The following NRG3 variants were observed in gnomAD, a reference collection of about 807,000 sequenced individuals.
NRG3 encodes the protein pro-neuregulin-3, membrane-bound isoform.
Under a neutral mutation model 66.9 loss-of-function variants are expected in NRG3, and 31 were observed. The ratio of observed to expected loss-of-function variants is 0.46; its 90% CI spans 0.35 to 0.63. The LOEUF (loss-of-function observed/expected upper bound fraction) is 0.63. Ranked by LOEUF, NRG3 falls within the 20% of genes least tolerant of loss-of-function variation. NRG3 has a pLI of 0.00. For synonymous variants in NRG3, 393 were observed against 359.4 expected (o/e 1.09, Z -1.06); for missense variants, 910 against 878.9 (o/e 1.04, Z -0.45).
At chr10:82,854,601 G>A (rs1476457461) in intron 3 of NRG3, among the ~76,000 whole-genome samples, 11 of 152,118 alleles carry the variant, frequency 7.2e-5, no homozygotes, top group Non-Finnish European at 5.9e-5. Context: ...AGCCAACCAG[G>A]CTTTAACGAT....
intron 6 of NRG3, among the ~76,000 whole-genome samples, 195 bp downstream of exon 6, chr10:82,959,270 A>G (rs1209645176): frequency 6.6e-6 from 1 of 152,200 alleles, no homozygotes; most frequent in Non-Finnish European, 1.5e-5. Context: ...AGGCAAGTTA[A>G]ATTTCAGCTC....
Position 82,281,552 on chromosome 10 carries a change from G to C in NRG3, c.824-77187G>C, listed in dbSNP as rs1243824241. ...GGGGATGGGGTGGAACTGACTCCAG[G>C]GACTCTTTTAATAAGACTCAACGTA... On this transcript the variant is annotated intron_variant, in intron 1 of 8. Transcript: ENST00000372141. Among the ~76,000 whole-genome samples, 4 of 152,042 alleles carry C rather than the reference G, an allele frequency of 2.6e-5. No individual in the cohort carries two copies. The East Asian group carries it at 7.7e-4, about 29-fold the overall frequency.
chr10:82,435,309 AT>A (rs1176707039), intron 2 of NRG3, among the ~76,000 whole-genome samples: 2 of 151,688 alleles, frequency 1.3e-5, no homozygotes, highest in Admixed American at 6.6e-5. Context: ...ATCATTTTTT[AT>A]TGTGTCTGTC....
chr10:82,093,112 C>A (rs1388226595), intron 1 of NRG3, among the ~76,000 whole-genome samples: 1 of 152,140 alleles, frequency 6.6e-6, no homozygotes, highest in African/African-American at 2.4e-5. Flanking sequence ...GCACACCAGG[C>A]AGCATGCTTT....
chr10:82,704,906 C>G (rs1380564032), intron 2 of NRG3, among the ~76,000 whole-genome samples: 1 of 152,144 alleles, frequency 6.6e-6, no homozygotes, highest in African/African-American at 2.4e-5. Context: ...AGAATATGCT[C>G]AGAATATTAC....
chr10:82,772,791 G>A (rs896720679), intron 3 of NRG3, among the ~76,000 whole-genome samples: 1 of 140,918 alleles, frequency 7.1e-6, no homozygotes. Context: ...TTGCAGCCTC[G>A]ACCTCCTGGG....
intron 2 of NRG3, among the ~76,000 whole-genome samples, chr10:82,732,017 A>T (rs1184934305): frequency 1.3e-5 from 2 of 152,200 alleles, no homozygotes; most frequent in Non-Finnish European, 2.9e-5. Flanking sequence ...ACCACAAATA[A>T]CATAAGGTAC....
In NRG3 at chr10:82,571,824, T is replaced by A. The variant is rs2045754437; in HGVS notation, c.954-166753T>A. Among the ~76,000 whole-genome samples, 6 of 151,778 alleles carry A rather than the reference T, an allele frequency of 4.0e-5. No homozygotes were observed. In the South Asian group the frequency reaches 1.2e-3, roughly 31 times the overall value. On this transcript the variant is annotated intron_variant, in intron 2 of 8. Coordinates refer to ENST00000372141, the MANE Select transcript of NRG3 (RefSeq NM_001010848.4). ...GTGAATAACTAGTGATTACTTTGTA[T>A]AAATAAAAATGTATATACAAATGTA... is the stretch of plus-strand genomic sequence containing the variant.
Position 81,911,745 on chromosome 10 carries a change from A to ACC in NRG3, c.823+35585_823+35586dup, listed in dbSNP as rs34927076. On this transcript the variant is annotated intron_variant, in intron 1 of 8. Transcript: ENST00000372141. ...CCCGTTACCACACACACACACACACACCCCAAACCCGAAACCAACCACAAC... is the reference window on the plus strand; with the variant it reads ...CCCGTTACCACACACACACACACACACCCCCCAAACCCGAAACCAACCACAAC... 1.7e-4 allele frequency among the ~76,000 whole-genome samples: 26 copies of ACC among 149,566 alleles called. No individual in the cohort carries two copies. In the South Asian group the frequency reaches 3.0e-3, roughly 17 times the overall value.
chr10:82,289,220 C>T (rs1248244362), intron 1 of NRG3, among the ~76,000 whole-genome samples: 1 of 152,090 alleles, frequency 6.6e-6, no homozygotes, highest in Non-Finnish European at 1.5e-5. Flanking sequence ...TTCACGCCAT[C>T]AGCTCTAGAG....
chr10:82,541,703 G>T (rs1034300143), intron 2 of NRG3, among the ~76,000 whole-genome samples: 1 of 152,152 alleles, frequency 6.6e-6, no homozygotes, highest in Non-Finnish European at 1.5e-5. Context: ...ATGCCTTTTA[G>T]TTTTTACTTC....
chr10:81,992,417 A>T lies in NRG3; in HGVS notation c.823+116254A>T, dbSNP rs933618667. Among the ~76,000 whole-genome samples, 27 of 152,294 alleles carry T rather than the reference A, an allele frequency of 1.8e-4. No homozygotes were observed. In the East Asian group the frequency reaches 3.9e-3, roughly 22 times the overall value. ...ATTTCTCACTCTGCACTCCTGGGGA[A>T]GTGGAAGAACATTGGCCATGTCTCC... On this transcript the variant is annotated intron_variant, in intron 1 of 8. Transcript: ENST00000372141.
At chr10:81,929,996 A>C (rs1847185066) in intron 1 of NRG3, among the ~76,000 whole-genome samples, 1 of 152,194 alleles carries the variant, frequency 6.6e-6, no homozygotes. Context: ...AGACTTTCGC[A>C]CTATATCCCA....
intron 2 of NRG3, among the ~76,000 whole-genome samples, chr10:82,663,555 A>G (rs1332504554): frequency 6.6e-6 from 1 of 152,158 alleles, no homozygotes; most frequent in Admixed American, 6.5e-5. Flanking sequence ...GCATCAATCA[A>G]CAGGGAGTAA....
chr10:82,264,707 A>G (rs2078209940), intron 1 of NRG3, among the ~76,000 whole-genome samples: 1 of 152,286 alleles, frequency 6.6e-6, no homozygotes, highest in African/African-American at 2.4e-5. Context: ...AGGGAGAGAA[A>G]TCAGAAAATG....
intron 1 of NRG3, among the ~76,000 whole-genome samples, chr10:82,172,915 A>G (rs573397356): frequency 4.1e-4 from 63 of 152,196 alleles, no homozygotes; most frequent in Admixed American, 7.9e-4. Flanking sequence ...AAAATGTAAA[A>G]TTACCTCTCT....
intron 2 of NRG3, among the ~76,000 whole-genome samples, chr10:82,663,875 G>A (rs2052557296): frequency 6.6e-6 from 1 of 152,112 alleles, no homozygotes; most frequent in Admixed American, 6.5e-5. Flanking sequence ...AAAACCAATG[G>A]CAAGAGGCAT....
intron 3 of NRG3, among the ~76,000 whole-genome samples, chr10:82,843,715 A>G (rs2135770745): frequency 6.6e-6 from 1 of 152,336 alleles, no homozygotes. Flanking sequence ...TGGAAAATGA[A>G]GGGAAGGGAG....
chr10:81,888,435 A>C (rs905482143), intron 1 of NRG3, among the ~76,000 whole-genome samples: 3 of 152,196 alleles, frequency 2.0e-5, no homozygotes, highest in Non-Finnish European at 4.4e-5. Flanking sequence ...AAGATAATTC[A>C]TCATCTGCAT....
Sources: gnomAD v4.1 joint callset for allele counts (sites outside exome capture counted in the v4.1 genomes callset) on GRCh38, gnomAD v4.1.1 for gene constraint, MANE v1.5 for transcripts, NCBI Gene and HGNC (gene_info 2026-07-23, HGNC 2026-07-21) for gene names.